CTSO: variants seen among roughly 807,000 people sequenced by gnomAD.
CTSO encodes cathepsin O.
A neutral mutation model predicts 42.4 loss-of-function variants in CTSO; 40 were observed. The ratio of observed to expected loss-of-function variants is 0.94; its 90% confidence interval spans 0.73 to 1.23. The LOEUF (loss-of-function observed/expected upper bound fraction) is 1.23, where lower values mean the gene tolerates loss of function less well. Among genes scored for constraint, CTSO ranks in the 50% most tolerant of loss-of-function variants. CTSO has a pLI of 0.00. For missense variants in CTSO, 441 were observed against 396.0 expected, an observed-to-expected ratio of 1.11 and a Z score of -0.96; for synonymous variants, 156 against 146.2, an observed-to-expected ratio of 1.07 and a Z score of -0.48.
chr4:155,936,744 T>C (rs1743338132), intron 5 of CTSO, among the ~76,000 whole-genome samples: 1 of 152,210 alleles, frequency 6.6e-6, no homozygotes, highest in Non-Finnish European at 1.5e-5. Context: ...TTCCTCAGCC[T>C]GTCTTTATCT....
intron 4 of CTSO, among the ~76,000 whole-genome samples, chr4:155,937,808 G>A (rs1455543488): frequency 6.6e-6 from 1 of 151,994 alleles, no homozygotes; most frequent in Admixed American, 6.6e-5. Flanking sequence ...TAAAGATGGG[G>A]TCTCACTCTG....
At chr4:155,931,787 T>A (rs552660007) in intron 5 of CTSO, among the ~76,000 whole-genome samples, 1 of 151,144 alleles carries the variant, frequency 6.6e-6, no homozygotes, top group East Asian at 1.9e-4. Flanking sequence ...AATTCGTTAT[T>A]ATTATAACGA....
intron 1 of CTSO, among the ~76,000 whole-genome samples, chr4:155,947,955 C>A (rs923373262): frequency 6.6e-6 from 1 of 152,158 alleles, no homozygotes; most frequent in Non-Finnish European, 1.5e-5. Flanking sequence ...CTCATTGATA[C>A]TTTTGAAAAG....
In CTSO at chr4:155,935,253, G is replaced by A. The variant is rs555328660; in HGVS notation, c.674+2109C>T. On this transcript the variant is annotated intron_variant, in intron 5 of 7. Transcript: ENST00000433477. Reference sequence around the variant, plus strand: ...ATTCTGAAGCCTCCTCAGCCATGTGGAACTGTAAGTCCAATTAAACCTCTT... The same window carrying A: ...ATTCTGAAGCCTCCTCAGCCATGTGAAACTGTAAGTCCAATTAAACCTCTT... Among the ~76,000 whole-genome samples, 228 of 152,252 alleles carry A rather than the reference G, an allele frequency of 1.5e-3. 1 individual carries two copies. Among genetic ancestry groups the A allele is most frequent in the African/African-American group, 5.2e-3 (218 of 41,544 alleles).
chr4:155,943,100 G>T (rs960702681), intron 2 of CTSO, 56 bp downstream of exon 2: 3 of 1,008,306 alleles, frequency 3.0e-6, no homozygotes, highest in African/African-American at 3.3e-5. Context: ...TTTATCAAAA[G>T]TTAAGCAAGC....
At chr4:155,939,794 T>G (rs752527853) in intron 3 of CTSO, among the ~76,000 whole-genome samples, 12 of 152,308 alleles carry the variant, frequency 7.9e-5, no homozygotes, top group Non-Finnish European at 1.3e-4. Context: ...TAAAAGTGAA[T>G]TTTTAGAGAC....
At chr4:155,943,599 C>A (rs11722604) in intron 1 of CTSO, among the ~76,000 whole-genome samples, 24,254 of 152,008 alleles carry the variant, frequency 0.16, 2,525 homozygotes, top group Non-Finnish European at 0.24. Context: ...ACACTAGATA[C>A]TAGAAGCAAA....
intron 5 of CTSO, among the ~76,000 whole-genome samples, chr4:155,935,846 T>G (rs894127524): frequency 3.3e-5 from 5 of 152,348 alleles, no homozygotes; most frequent in African/African-American, 1.2e-4. Context: ...AGCATTGCAC[T>G]GTTAGAGTTT....
At position 155,937,811 on chromosome 4, in the gene CTSO, T is replaced by C. The variant is rs545931449; in HGVS notation, c.553-328A>G. Among the ~76,000 whole-genome samples the C allele has an allele frequency of 6.4e-4, 97 of 152,264 alleles. 1 individual carries two copies. Among genetic ancestry groups the C allele is most frequent in the African/African-American group, 2.3e-3 (94 of 41,552 alleles). On this transcript the variant is annotated intron_variant, in intron 4 of 7. Transcript: ENST00000433477. ...TTGTATTTTTTGTAAAGATGGGGTC[T>C]CACTCTGTTGCCCAGGCTGGTCTTA...
Position 155,924,429 on chromosome 4 carries a change from A to C in CTSO, c.*1607T>G, listed in dbSNP as rs1743094999. ...CGGATTGGTTCTGACTGGCGTAAGA[A>C]GAGAAATACAGCATTTTGTTTTTTA... On this transcript the variant is annotated 3_prime_UTR_variant, in exon 8 of 8. Transcript: ENST00000433477. The C allele has an allele frequency of 1.3e-5, 2 of 152,334 alleles. No individual in the cohort carries two copies. The highest frequency in any genetic ancestry group is 4.8e-5 in the African/African-American group (2 of 41,586). 9.4% of individuals were successfully genotyped at this position (152,334 alleles called of 1,614,324 possible).
intron 6 of CTSO, 111 bp downstream of exon 6, chr4:155,929,431 A>G (rs1743191108): frequency 9.3e-7 from 1 of 1,077,616 alleles, no homozygotes; most frequent in South Asian, 1.7e-5. Context: ...TGAAGGTCTT[A>G]TGAGGACTTA....
At chr4:155,945,875 C>A (rs575415082) in intron 1 of CTSO, among the ~76,000 whole-genome samples, 2 of 152,196 alleles carry the variant, frequency 1.3e-5, no homozygotes, top group East Asian at 3.9e-4. Flanking sequence ...GTACGATACA[C>A]CATATTAACA....
chr4:155,936,674 G>T (rs895221891), intron 5 of CTSO, among the ~76,000 whole-genome samples: 32 of 152,206 alleles, frequency 2.1e-4, no homozygotes, highest in African/African-American at 7.2e-4. Context: ...CATTTTTAAT[G>T]ATTGTTTTCC....
At chr4:155,928,474 G>A (rs368457367) in intron 6 of CTSO, 46 bp from the exon 7 acceptor site, 26 of 1,317,860 alleles carry the variant, frequency 2.0e-5, no homozygotes, top group Non-Finnish European at 2.7e-5. Context: ...ACTCAAATTT[G>A]TTATGAATGT....
At chr4:155,935,438 C>T (rs574381871) in intron 5 of CTSO, among the ~76,000 whole-genome samples, 1 of 151,982 alleles carries the variant, frequency 6.6e-6, no homozygotes, top group African/African-American at 2.4e-5. Context: ...TTTTGCCTCA[C>T]GATCTTTGCA....
intron 3 of CTSO, 74 bp from the exon 4 acceptor site, chr4:155,939,612 G>A: frequency 7.5e-7 from 1 of 1,339,394 alleles, no homozygotes; most frequent in Admixed American, 2.2e-5. Flanking sequence ...AATGTAACAA[G>A]TTATCAAATC....
chr4:155,928,459 T>C, intron 6 of CTSO, 31 bp from the exon 7 acceptor site: 1 of 1,475,366 alleles, frequency 6.8e-7, no homozygotes, highest in Non-Finnish European at 9.4e-7. Flanking sequence ...TAACAAATCC[T>C]GAAAACTCAA....
chr4:155,944,926 A>G (rs1299990479), intron 1 of CTSO, among the ~76,000 whole-genome samples: 2 of 144,914 alleles, frequency 1.4e-5, no homozygotes, highest in African/African-American at 5.1e-5. Flanking sequence ...TCTCCCTATT[A>G]GTTCACAGGA....
chr4:155,928,430 T>A lies in CTSO; in HGVS notation c.839-2A>T, dbSNP rs1195418162. On this transcript the variant is annotated splice_acceptor_variant, in intron 6 of 7. Transcript: ENST00000433477. LOFTEE classifies it high-confidence loss of function. ...GCACAATCCAATATGGAGTGCTTCC[T>A]ACAGTGAAACATAAATAGTAACAAA... 2.5e-6 allele frequency: 4 copies of A among 1,597,494 alleles called. No individual in the cohort carries two copies. The African/African-American group carries it at 4.0e-5, about 16-fold the overall frequency.
Sources: allele counts gnomAD v4.1 joint callset (sites outside exome capture counted in the v4.1 genomes callset), GRCh38; gene constraint gnomAD v4.1.1; transcripts MANE v1.5; gene names NCBI Gene and HGNC (gene_info 2026-07-23, HGNC 2026-07-21).